ECD: variants seen among roughly 807,000 people sequenced by gnomAD.
The protein encoded by ECD is ecdysoneless cell cycle regulator, also known as protein ecdysoneless homolog.
In ECD, 59 loss-of-function variants were observed where a neutral mutation model predicts 77.2. That is an observed-to-expected ratio of 0.76 (90% CI 0.62 to 0.95). The LOEUF (loss-of-function observed/expected upper bound fraction) is 0.95. ECD is among the 40% of genes least tolerant of loss of function. ECD has a pLI of 0.00. For missense variants in ECD, 704 were observed against 763.4 expected (o/e 0.92, Z 0.92); for synonymous variants, 233 against 267.4 (o/e 0.87, Z 1.26).
At chr10:73,163,626 AT>A (rs2133276250) in intron 2 of ECD, 106 bp downstream of exon 2, 1 of 1,098,692 alleles carries the variant, frequency 9.1e-7, no homozygotes, top group Admixed American at 2.5e-5. Flanking sequence ...AGTTTAGTGT[AT>A]TAATCTCTTC....
At chr10:73,149,398 A>G (rs1224688461) in intron 7 of ECD, among the ~76,000 whole-genome samples, 1 of 152,118 alleles carries the variant, frequency 6.6e-6, no homozygotes, top group Non-Finnish European at 1.5e-5. Flanking sequence ...CCTTACTTAC[A>G]ATTTTTATCT....
At chr10:73,154,520 C>A (rs1589119189) in intron 5 of ECD, 72 bp from the exon 6 acceptor site, 1 of 1,368,360 alleles carries the variant, frequency 7.3e-7, no homozygotes. Context: ...CATTCACATT[C>A]TTTTTGACAT....
rs562650754 is a variant in ECD at position 73,150,421 on chromosome 10, C to A, written c.912+1872G>T. Among the ~76,000 whole-genome samples the A allele has an allele frequency of 2.0e-5, 3 of 152,258 alleles. No homozygotes were observed. The South Asian group carries it at 6.2e-4, about 32-fold the overall frequency. On this transcript the variant is annotated intron_variant, in intron 7 of 13. Coordinates refer to ENST00000372979, the MANE Select transcript of ECD (RefSeq NM_007265.3). ...TGTTAGACCTAAAACCATAAAAACC[C>A]TAGAAGAAAACCTAGGCAGTACCAT...
intron 3 of ECD, among the ~76,000 whole-genome samples, chr10:73,159,802 C>T (rs189071087): frequency 6.6e-6 from 1 of 151,204 alleles, no homozygotes; most frequent in East Asian, 2.0e-4. Flanking sequence ...TACCACCATG[C>T]CTGGCTAATT....
intron 9 of ECD, among the ~76,000 whole-genome samples, chr10:73,142,632 C>CAAA (rs35853120): frequency 2.7e-5 from 2 of 74,016 alleles, no homozygotes; most frequent in Non-Finnish European, 3.4e-5. Flanking sequence ...GACTCCATCT[C>CAAA]AAAAAAAAAA....
At chr10:73,167,682 T>C (rs574967612) in intron 1 of ECD, among the ~76,000 whole-genome samples, 184 bp downstream of exon 1, 1 of 152,226 alleles carries the variant, frequency 6.6e-6, no homozygotes, top group East Asian at 1.9e-4. Flanking sequence ...CATGCAGAAT[T>C]TGGTGTCAGA....
intron 9 of ECD, among the ~76,000 whole-genome samples, chr10:73,145,966 A>G (rs1343133515): frequency 6.6e-6 from 1 of 151,924 alleles, no homozygotes; most frequent in African/African-American, 2.4e-5. Flanking sequence ...TTTAAAAATT[A>G]TGTTTATAAA....
In ECD at chr10:73,163,764, C is replaced by T. The variant is rs1303068497; in HGVS notation, c.174G>A (p.Gln58=). 1.2e-6 allele frequency: 2 copies of T among 1,614,110 alleles called. No homozygotes were observed. The highest frequency in any genetic ancestry group is 1.7e-6 in the Non-Finnish European group (2 of 1,180,022). The change falls in exon 2 of 14, where the codon CAG becomes CAA. Residue 58 remains glutamine, a synonymous_variant. Coordinates refer to ENST00000372979, the MANE Select transcript of ECD (RefSeq NM_007265.3). The part of the protein sequence containing the change: ...PMLVPYIWQN[Q]PFNLKYKPGK... The stretch of plus-strand genomic sequence containing the variant: ...CAGGTTTATATTTAAGATTGAAAGG[C>T]TGATTCTGCCAGATGTAGGGGACCA...
chr10:73,164,413 T>C (rs1340731637), intron 1 of ECD, among the ~76,000 whole-genome samples: 3 of 152,080 alleles, frequency 2.0e-5, no homozygotes, highest in Non-Finnish European at 4.4e-5. Flanking sequence ...ACCATCACCA[T>C]GGTTTTGGCC....
chr10:73,154,230 C>A, intron 6 of ECD, 26 bp downstream of exon 6: 4 of 1,545,966 alleles, frequency 2.6e-6, no homozygotes, highest in Non-Finnish European at 3.5e-6. Flanking sequence ...GTAAGAGAAA[C>A]TAAATGACCA....
chr10:73,154,570 A>C, intron 5 of ECD, 122 bp from the exon 6 acceptor site: 1 of 931,458 alleles, frequency 1.1e-6, no homozygotes, highest in East Asian at 2.7e-5. Context: ...GAGTGACAAG[A>C]GAGATGAAAA....
In ECD at chr10:73,137,927, T is replaced by G; in HGVS notation, c.1489+76A>C. ...CAAACATTTTGGCTTCTGAGATATCTCATAAACCAATGCTCTAGCAACAGC... is the reference window on the plus strand; with the variant it reads ...CAAACATTTTGGCTTCTGAGATATCGCATAAACCAATGCTCTAGCAACAGC... On this transcript the variant is annotated intron_variant, in intron 12 of 13. Transcript: ENST00000372979. The G allele has an allele frequency of 1.7e-6, 2 of 1,164,544 alleles. 1 individual carries two copies. The highest frequency in any genetic ancestry group is 3.9e-5 in the South Asian group (2 of 50,660). 72.1% of individuals were successfully genotyped at this position (1,164,544 alleles called of 1,614,324 possible). A position where few individuals can be genotyped will look rare whatever the true frequency, so the allele number is the denominator to read the frequency against.
At chr10:73,159,464 C>A (rs940548742) in intron 3 of ECD, among the ~76,000 whole-genome samples, 1 of 152,114 alleles carries the variant, frequency 6.6e-6, no homozygotes, top group Non-Finnish European at 1.5e-5. Flanking sequence ...CAAAGATCCA[C>A]AAGGAATTTA....
chr10:73,150,608 T>G (rs1241218514), intron 7 of ECD, among the ~76,000 whole-genome samples: 1 of 151,906 alleles, frequency 6.6e-6, no homozygotes, highest in Admixed American at 6.6e-5. Flanking sequence ...TGGGAGAAAA[T>G]TTTTGCAATC....
At chr10:73,165,710 A>G (rs566603253) in intron 1 of ECD, among the ~76,000 whole-genome samples, 1 of 152,156 alleles carries the variant, frequency 6.6e-6, no homozygotes, top group South Asian at 2.1e-4. Flanking sequence ...ATGCATAATA[A>G]GCACCTCAGG....
rs776943705 is a variant in ECD at position 73,156,593 on chromosome 10, A to G, written c.386T>C (p.Leu129Pro). 6.2e-7 allele frequency: 1 copy of G among 1,614,178 alleles called. No individual in the cohort carries two copies. The highest frequency in any genetic ancestry group is 8.5e-7 in the Non-Finnish European group (1 of 1,180,036). The stretch of plus-strand genomic sequence containing the variant: ...CCTATTGGTGCTATTTTCAGGATCC[A>G]GCCATTTAGGGAGAAAGTCAGCAGC... ...IEAADFLPKW[L>P]DPENSTNRVF... Residue 129 changes from leucine (L) to proline (P), a missense_variant, in exon 4 of 14, where the codon CTG (leucine) becomes CCG (proline). Physicochemically the swap from Leu to Pro is moderately conservative, Grantham distance 98. This residue lies in a region of ECD where 559 missense variants were observed against 583.7 expected (regional missense o/e 0.96). Transcript: ENST00000372979.
intron 13 of ECD, among the ~76,000 whole-genome samples, chr10:73,135,054 G>A (rs1255161449): frequency 6.6e-6 from 1 of 152,064 alleles, no homozygotes; most frequent in Non-Finnish European, 1.5e-5. Context: ...CCTGCAAATC[G>A]AATAAATTGC....
At chr10:73,161,363 A>G (rs1305330549) in intron 2 of ECD, among the ~76,000 whole-genome samples, 1 of 152,184 alleles carries the variant, frequency 6.6e-6, no homozygotes, top group Non-Finnish European at 1.5e-5. Flanking sequence ...AAAATCGGAA[A>G]TGAAAGAGGG....
At chr10:73,152,137 A>G (rs2133262443) in intron 7 of ECD, among the ~76,000 whole-genome samples, 156 bp downstream of exon 7, 1 of 152,220 alleles carries the variant, frequency 6.6e-6, no homozygotes. Flanking sequence ...TCACTTACTA[A>G]GTAATCCATT....
Sources: allele counts gnomAD v4.1 joint callset (sites outside exome capture counted in the v4.1 genomes callset), GRCh38; gene constraint gnomAD v4.1.1; regional missense constraint gnomAD v4.1.1; transcripts MANE v1.5; gene names NCBI Gene and HGNC (gene_info 2026-07-23, HGNC 2026-07-21).